Variants in CLN6 observed in about 807,000 individuals in gnomAD.
CLN6 encodes CLN6 transmembrane ER protein, also known as ceroid-lipofuscinosis neuronal protein 6.
CLN6 carries 22 observed loss-of-function variants against 33.3 expected under a neutral mutation model. That is an observed-to-expected ratio of 0.66 (90% CI 0.47 to 0.94). CLN6 has a LOEUF of 0.94. Among genes scored for constraint, CLN6 ranks in the 40% least tolerant of loss-of-function variants. CLN6 has a pLI of 0.00. For missense variants in CLN6, 387 were observed against 417.1 expected, an observed-to-expected ratio of 0.93 and a Z score of 0.63; for synonymous variants, 201 against 174.6, an observed-to-expected ratio of 1.15 and a Z score of -1.19.
chr15:68,220,098 T>C lies in CLN6; in HGVS notation c.84-1448A>G, dbSNP rs904071580. ...TCCAAGGATGATCCATACTGGCTGG[T>C]AGAGTACCCCAGGACAGGGAGGCAA... is the stretch of plus-strand genomic sequence containing the variant. On this transcript the variant is annotated intron_variant, in intron 1 of 6. Transcript: ENST00000249806. The surrounding 1 kb of genome is among the most constrained non-coding windows in gnomAD (Gnocchi z 4.2). Among the ~76,000 whole-genome samples, 1 of 152,180 alleles carries C rather than the reference T, an allele frequency of 6.6e-6. No homozygotes were observed. Among genetic ancestry groups the C allele is most frequent in the African/African-American group, 2.4e-5 (1 of 41,444 alleles).
upstream of CLN6, among the ~76,000 whole-genome samples, chr15:68,234,626 C>T (rs1193016813): frequency 6.6e-6 from 1 of 152,222 alleles, no homozygotes; most frequent in Non-Finnish European, 1.5e-5. This position sits in a 1 kb window ranked among gnomAD's most constrained non-coding sequence, Gnocchi z 4.1. Flanking sequence ...GTTCCCCTCC[C>T]GTCTGCTGCT....
In CLN6 at chr15:68,219,524, A is replaced by G. The variant is rs2093229760; in HGVS notation, c.84-874T>C. On this transcript the variant is annotated intron_variant, in intron 1 of 6. Transcript: ENST00000249806. This position sits in a 1 kb window ranked among gnomAD's most constrained non-coding sequence, Gnocchi z 4.2. ...TGTCCCTCTCACTAAACAGTTGGTC[A>G]TCTGCTGTTCACAGATGCACTGAAG... 6.6e-6 allele frequency among the ~76,000 whole-genome samples: 1 copy of G among 152,176 alleles called. No homozygotes were observed. The highest frequency in any genetic ancestry group is 2.1e-4 in the South Asian group (1 of 4,826).
At chr15:68,250,062 C>T (rs996120182) in intron 1 of CLN6, among the ~76,000 whole-genome samples, 3 of 152,032 alleles carry the variant, frequency 2.0e-5, no homozygotes, top group East Asian at 1.9e-4. Context: ...TGAGTCACTG[C>T]GCCGGCCACT....
intron 2 of CLN6, chr15:68,215,016 G>A (rs2093216809): frequency 6.4e-6 from 1 of 156,698 alleles, no homozygotes; most frequent in South Asian, 1.9e-4. Flanking sequence ...GCAGGCCAGG[G>A]GCAGTTCCTC....
Position 68,211,149 on chromosome 15 carries a change from TCA to T in CLN6, c.542+112_542+113del. 1 of 911,082 alleles carries T rather than the reference TCA, an allele frequency of 1.1e-6. No individual in the cohort carries two copies. The highest frequency in any genetic ancestry group is 1.8e-6 in the Non-Finnish European group (1 of 540,694). 56.4% of individuals were successfully genotyped at this position (911,082 alleles called of 1,614,324 possible). ...ACAGTGCCTTTACAGGGGATGAGACTCAACACATGGAGACCCGCAGCCCAGAC... is the reference window on the plus strand; with the variant it reads ...ACAGTGCCTTTACAGGGGATGAGACTACACATGGAGACCCGCAGCCCAGAC... On this transcript the variant is annotated intron_variant, in intron 5 of 6. Coordinates refer to ENST00000249806, the MANE Select transcript of CLN6 (RefSeq NM_017882.3). This position sits in a 1 kb window ranked among gnomAD's most constrained non-coding sequence, Gnocchi z 5.9.
Position 68,219,216 on chromosome 15 carries a change from C to T in CLN6, c.84-566G>A, listed in dbSNP as rs558511037. ...GGGCTCCTGAGCTTATACTTTTAAC[C>T]TCCATCCCATAGTTGGGTCCATCAG... On this transcript the variant is annotated intron_variant, in intron 1 of 6. Transcript: ENST00000249806. This position sits in a 1 kb window ranked among gnomAD's most constrained non-coding sequence, Gnocchi z 4.2. Among the ~76,000 whole-genome samples, 3 of 152,272 alleles carry T rather than the reference C, an allele frequency of 2.0e-5. No individual in the cohort carries two copies. Among genetic ancestry groups the T allele is most frequent in the Non-Finnish European group, 4.4e-5 (3 of 68,022 alleles).
At chr15:68,229,417 G>A in intron 1 of CLN6, 85 bp downstream of exon 1, 1 of 1,102,478 alleles carries the variant, frequency 9.1e-7, no homozygotes. Context: ...TTCCCGCCCG[G>A]CAGCCCTAGG....
chr15:68,251,219 T>C (rs1167839587), intron 1 of CLN6, among the ~76,000 whole-genome samples: 3 of 152,162 alleles, frequency 2.0e-5, no homozygotes, highest in African/African-American at 2.4e-5. Context: ...TCAATAGATA[T>C]AGTAAAGGCA....
rs1390553201 is a variant in CLN6 at position 68,254,793 on chromosome 15, A to G, written c.179+1897T>C. ...GCAAAGAAGGGAGAGAAGGTACCAA[A>G]AGGGAAAAGGGAAAAGCTGAAGCTG... On this transcript the variant is annotated intron_variant, in intron 1 of 6. Transcript: ENST00000538696. The G allele has an allele frequency of 8.0e-6, 8 of 994,872 alleles. No homozygotes were observed. The East Asian group carries it at 1.4e-4, about 18-fold the overall frequency. The allele number at this position is 994,872 out of a possible 1,614,324, so 61.6% of individuals were successfully genotyped here.
At chr15:68,213,935 C>T (rs1015533517) in intron 3 of CLN6, 5 of 303,774 alleles carry the variant, frequency 1.6e-5, no homozygotes, top group Non-Finnish European at 3.2e-5. Flanking sequence ...TTGACCTCTC[C>T]CTGGACCTCC....
At chr15:68,232,468 C>G (rs1381645094), upstream of CLN6, among the ~76,000 whole-genome samples, 1 of 152,022 alleles carries the variant, frequency 6.6e-6, no homozygotes, top group Admixed American at 6.6e-5. The surrounding 1 kb of genome is among the most constrained non-coding windows in gnomAD (Gnocchi z 4.7). Context: ...GTATCAGATA[C>G]TTTTAAATGT....
At position 68,229,609 on chromosome 15, in the gene CLN6, C is replaced by T; in HGVS notation, c.-25G>A. ...TGGCTGCCCCGCAGGCCCCTCGGCC[C>T]TGCCTTTCCGAGGAAGAGACCGGTT... On this transcript the variant is annotated 5_prime_UTR_variant, in exon 1 of 7. Coordinates refer to ENST00000249806, the MANE Select transcript of CLN6 (RefSeq NM_017882.3). 1 of 1,448,284 alleles carries T rather than the reference C, an allele frequency of 6.9e-7. No individual in the cohort carries two copies. The highest frequency in any genetic ancestry group is 1.3e-5 in the South Asian group (1 of 76,230). 89.7% of individuals were successfully genotyped at this position (1,448,284 alleles called of 1,614,324 possible).
At chr15:68,215,493 T>C (rs1208119425) in intron 2 of CLN6, 1 of 152,150 alleles carries the variant, frequency 6.6e-6, no homozygotes, top group Non-Finnish European at 1.5e-5. Context: ...GAGAGAGCTA[T>C]ATTTTTTTTT....
chr15:68,238,230 C>T (rs12439517), intron 1 of CLN6, among the ~76,000 whole-genome samples: 1 of 150,682 alleles, frequency 6.6e-6, no homozygotes, highest in Non-Finnish European at 1.5e-5. Flanking sequence ...ATGGTGAAAC[C>T]CTATCTCCAC....
rs1455387001 is a variant in CLN6, at chr15:68,208,798, G to C, written c.666-388C>G. ...GCCGGGGTAAGAACCAGCAGGAAGC[G>C]CTCCCCTAACGTCTTTCCCGCTCAC... On this transcript the variant is annotated intron_variant, in intron 6 of 6. Coordinates refer to ENST00000249806, the MANE Select transcript of CLN6 (RefSeq NM_017882.3). This position sits in a 1 kb window ranked among gnomAD's most constrained non-coding sequence, Gnocchi z 5.8. Among the ~76,000 whole-genome samples the C allele has an allele frequency of 1.3e-5, 2 of 152,196 alleles. No homozygotes were observed. The highest frequency in any genetic ancestry group is 1.3e-4 in the Admixed American group (2 of 15,282).
chr15:68,214,265 G>T (rs749259550), intron 3 of CLN6, 25 bp downstream of exon 3: 3 of 1,549,062 alleles, frequency 1.9e-6, no homozygotes, highest in African/African-American at 2.7e-5. Context: ...GATGACAGGA[G>T]AGAGTGGGGG....
Position 68,208,127 on chromosome 15 carries a change from T to C in CLN6, c.*13A>G, listed in dbSNP as rs1175033458. 3.8e-6 allele frequency: 4 copies of C among 1,065,396 alleles called. No individual in the cohort carries two copies. Among genetic ancestry groups the C allele is most frequent in the Non-Finnish European group, 5.2e-6 (4 of 765,590 alleles). 66.0% of individuals were successfully genotyped at this position (1,065,396 alleles called of 1,614,324 possible). ...TCCCACCCAGCAGAGCGCCAGAGCCTGGTGCCAGGGACTCAGTGCCGACTG... is the reference window on the plus strand; with the variant it reads ...TCCCACCCAGCAGAGCGCCAGAGCCCGGTGCCAGGGACTCAGTGCCGACTG... On this transcript the variant is annotated 3_prime_UTR_variant, in exon 7 of 7. Transcript: ENST00000249806. The surrounding 1 kb of genome is among the most constrained non-coding windows in gnomAD (Gnocchi z 5.8).
intron 1 of CLN6, among the ~76,000 whole-genome samples, chr15:68,255,496 A>G (rs1181174979): frequency 6.6e-6 from 1 of 152,230 alleles, no homozygotes; most frequent in Non-Finnish European, 1.5e-5. Context: ...ACAACATGCT[A>G]AACATGAACT....
At chr15:68,230,641 G>A (rs917675487), upstream of CLN6, among the ~76,000 whole-genome samples, 5 of 152,222 alleles carry the variant, frequency 3.3e-5, no homozygotes, top group Non-Finnish European at 7.3e-5. The surrounding 1 kb of genome is among the most constrained non-coding windows in gnomAD (Gnocchi z 4.0). Context: ...GTAACAAGAA[G>A]ATGCCTATTG....
Sources: allele counts gnomAD v4.1 joint callset (sites outside exome capture counted in the v4.1 genomes callset), GRCh38; gene constraint gnomAD v4.1.1; non-coding constraint Gnocchi (gnomAD v3.1); transcripts MANE v1.5; gene names NCBI Gene and HGNC (gene_info 2026-07-23, HGNC 2026-07-21).